The following TOX2 variants were observed in gnomAD, a reference collection of about 807,000 sequenced individuals.
TOX2 encodes TOX high mobility group box family member 2.
Under a neutral mutation model 47.4 loss-of-function variants are expected in TOX2, and 15 were observed. That is an observed-to-expected ratio of 0.32 (90% CI 0.21 to 0.49). The LOEUF (loss-of-function observed/expected upper bound fraction) is 0.49. TOX2 is among the 20% of genes least tolerant of loss of function. The pLI is 0.99. For synonymous variants in TOX2, 290 were observed against 296.6 expected, an observed-to-expected ratio of 0.98 and a Z score of 0.23; for missense variants, 622 against 673.1, an observed-to-expected ratio of 0.92 and a Z score of 0.84.
chr20:43,951,362 T>A (rs907831711), intron 1 of TOX2, among the ~76,000 whole-genome samples: 1 of 151,916 alleles, frequency 6.6e-6, no homozygotes, highest in Non-Finnish European at 1.5e-5. Context: ...ATCACTTGAG[T>A]ACCGGAGTTC....
At chr20:43,929,669 C>T (rs747997474) in intron 1 of TOX2, among the ~76,000 whole-genome samples, 40 of 152,094 alleles carry the variant, frequency 2.6e-4, no homozygotes, top group Non-Finnish European at 5.4e-4. Flanking sequence ...TTCTTTTTGT[C>T]TACCATAGCC....
At position 43,973,382 on chromosome 20, in the gene TOX2, G is replaced by T; in HGVS notation, c.115G>T (p.Ala39Ser). 1 of 1,614,132 alleles carries T rather than the reference G, an allele frequency of 6.2e-7. No homozygotes were observed. Among genetic ancestry groups the T allele is most frequent in the Non-Finnish European group, 8.5e-7 (1 of 1,180,016 alleles). Residue 39 changes from alanine to serine, a missense_variant, in exon 2 of 9, where the codon GCC (alanine) becomes TCC (serine). Physicochemically the swap from Ala to Ser is moderately conservative, Grantham distance 99. This residue lies in a region of TOX2 where 307 missense variants were observed against 327.3 expected (regional missense o/e 0.94). Coordinates refer to ENST00000341197, the MANE Select transcript of TOX2 (RefSeq NM_001098797.2). ...YHGGKFDGDSAYVGMSDGNPE... is the reference protein window; with the variant it reads ...YHGGKFDGDSSYVGMSDGNPE... ...TCTATTCTAGTTTGATGGTGACAGTGCCTACGTGGGGATGAGTGACGGAAA... is the reference window on the plus strand; with the variant it reads ...TCTATTCTAGTTTGATGGTGACAGTTCCTACGTGGGGATGAGTGACGGAAA...
intron 1 of TOX2, among the ~76,000 whole-genome samples, chr20:43,934,997 C>G (rs1330130440): frequency 1.3e-5 from 2 of 152,132 alleles, no homozygotes; most frequent in Non-Finnish European, 2.9e-5. Context: ...ATGCTCTGTC[C>G]AGGAATCTTA....
chr20:43,931,442 C>T (rs888406674), intron 1 of TOX2, among the ~76,000 whole-genome samples: 1 of 152,236 alleles, frequency 6.6e-6, no homozygotes, highest in African/African-American at 2.4e-5. Context: ...GCTAAACATA[C>T]ACGTCTGTTA....
At chr20:43,962,632 T>C (rs1255667364) in intron 1 of TOX2, among the ~76,000 whole-genome samples, 1 of 152,234 alleles carries the variant, frequency 6.6e-6, no homozygotes, top group Non-Finnish European at 1.5e-5. Context: ...AATGCCTCGT[T>C]ACCAGACTCT....
intron 3 of TOX2, among the ~76,000 whole-genome samples, chr20:44,034,775 G>A (rs1173075156): frequency 6.6e-6 from 1 of 152,188 alleles, no homozygotes; most frequent in African/African-American, 2.4e-5. Context: ...ATTGATCCAA[G>A]TGTGGTGGGC....
chr20:44,042,405 G>A (rs1357262725), intron 3 of TOX2, among the ~76,000 whole-genome samples: 1 of 152,206 alleles, frequency 6.6e-6, no homozygotes, highest in Non-Finnish European at 1.5e-5. Context: ...AAAGCAGCGA[G>A]CAACACTGGT....
At chr20:43,938,926 T>A (rs2069365057) in intron 1 of TOX2, among the ~76,000 whole-genome samples, 1 of 152,200 alleles carries the variant, frequency 6.6e-6, no homozygotes, top group African/African-American at 2.4e-5. Flanking sequence ...CCTTATGGCC[T>A]CCTTGTGCAG....
At chr20:44,007,103 C>T in intron 3 of TOX2, 1 of 342,494 alleles carries the variant, frequency 2.9e-6, no homozygotes, top group South Asian at 5.4e-5. Flanking sequence ...TATTTTTTAA[C>T]AGTTTTATTG....
chr20:43,918,609 T>C (rs1470010733), intron 1 of TOX2, among the ~76,000 whole-genome samples: 1 of 152,244 alleles, frequency 6.6e-6, no homozygotes, highest in Non-Finnish European at 1.5e-5. Context: ...TGTGTCTGTC[T>C]TCTTTTTGCT....
At chr20:44,063,389 C>A (rs985800510) in intron 5 of TOX2, among the ~76,000 whole-genome samples, 11 of 152,148 alleles carry the variant, frequency 7.2e-5, no homozygotes, top group Admixed American at 3.3e-4. Flanking sequence ...TACTTAACAT[C>A]ATTATGATCA....
chr20:43,921,283 C>A (rs2145830902), intron 1 of TOX2, among the ~76,000 whole-genome samples: 1 of 152,266 alleles, frequency 6.6e-6, no homozygotes, highest in African/African-American at 2.4e-5. Context: ...GGCTCCTTGC[C>A]CCATGTGATT....
intron 3 of TOX2, chr20:44,007,510 A>G (rs566620135): frequency 6.6e-5 from 10 of 152,412 alleles, no homozygotes; most frequent in African/African-American, 2.2e-4. Flanking sequence ...AAGGCACTGC[A>G]CTCCGGGCAT....
At chr20:44,047,301 C>A (rs964295871) in intron 3 of TOX2, among the ~76,000 whole-genome samples, 1 of 152,096 alleles carries the variant, frequency 6.6e-6, no homozygotes, top group Non-Finnish European at 1.5e-5. Context: ...CAGAGAAATG[C>A]CCCCTGCATG....
intron 3 of TOX2, among the ~76,000 whole-genome samples, chr20:44,016,625 C>T (rs113326736): frequency 1.3e-4 from 20 of 152,222 alleles, no homozygotes; most frequent in Admixed American, 5.9e-4. Context: ...AAAATAAAAA[C>T]GAAAAATGTC....
intron 1 of TOX2, among the ~76,000 whole-genome samples, chr20:43,927,350 CCTA>C (rs1314730327): frequency 1.3e-5 from 2 of 152,052 alleles, no homozygotes; most frequent in African/African-American, 4.8e-5. Flanking sequence ...TATTCATCAT[CCTA>C]CTTTTTTCCC....
chr20:44,005,757 C>A (rs1189525980), intron 2 of TOX2, among the ~76,000 whole-genome samples: 1 of 152,172 alleles, frequency 6.6e-6, no homozygotes, highest in African/African-American at 2.4e-5. Context: ...AATAAAGCCA[C>A]ACACTTTGAC....
At chr20:43,957,531 C>T (rs1445061088) in intron 1 of TOX2, among the ~76,000 whole-genome samples, 1 of 150,830 alleles carries the variant, frequency 6.6e-6, no homozygotes, top group Non-Finnish European at 1.5e-5. Flanking sequence ...ATGTGCAAAG[C>T]ACATCACATG....
intron 1 of TOX2, among the ~76,000 whole-genome samples, chr20:43,924,446 G>A (rs1190359676): frequency 4.6e-5 from 7 of 152,212 alleles, no homozygotes; most frequent in Non-Finnish European, 5.9e-5. Flanking sequence ...CTGTGTGTTA[G>A]GGAGGACTCC....
Sources: allele counts gnomAD v4.1 joint callset (sites outside exome capture counted in the v4.1 genomes callset), GRCh38; gene constraint gnomAD v4.1.1; regional missense constraint gnomAD v4.1.1; transcripts MANE v1.5; gene names NCBI Gene and HGNC (gene_info 2026-07-23, HGNC 2026-07-21).